BTRC: variants seen among roughly 807,000 people sequenced by gnomAD.
The protein encoded by BTRC is F-box/WD repeat-containing protein 1A.
In BTRC, 42 loss-of-function variants were observed where a neutral mutation model predicts 85.5. The observed-to-expected ratio is 0.49, with a 90% CI of 0.38 to 0.64. BTRC has a LOEUF of 0.64. BTRC is among the 30% of genes least tolerant of loss of function. BTRC has a pLI of 0.00. For synonymous variants in BTRC, 255 were observed against 263.3 expected, an observed-to-expected ratio of 0.97 and a Z score of 0.30; for missense variants, 594 against 743.5, an observed-to-expected ratio of 0.80 and a Z score of 2.34.
chr10:101,394,300 C>T (rs10509749), intron 1 of BTRC, among the ~76,000 whole-genome samples: 49,821 of 151,986 alleles, frequency 0.33, 10,704 homozygotes, highest in East Asian at 0.67. Flanking sequence ...ATCTAATTGC[C>T]GATGACTAAT....
chr10:101,405,648 A>G (rs770543881), intron 1 of BTRC, among the ~76,000 whole-genome samples: 17 of 152,146 alleles, frequency 1.1e-4, no homozygotes, highest in Middle Eastern at 3.2e-3. Flanking sequence ...GCTAGTATTT[A>G]ATTTTTTGAG....
intron 10 of BTRC, 38 bp downstream of exon 10, chr10:101,534,948 TG>T (rs1360801536): frequency 1.9e-6 from 3 of 1,593,858 alleles, no homozygotes; most frequent in Non-Finnish European, 8.6e-7. Context: ...CAACTTAGAA[TG>T]GGGGAATTCA....
intron 1 of BTRC, among the ~76,000 whole-genome samples, chr10:101,385,732 C>G (rs796736037): frequency 3.5e-4 from 51 of 147,738 alleles, no homozygotes; most frequent in African/African-American, 1.2e-3. Flanking sequence ...TCTTCCCAGA[C>G]ACACACACAC....
chr10:101,462,921 G>T (rs1364593183), intron 3 of BTRC, among the ~76,000 whole-genome samples: 1 of 151,898 alleles, frequency 6.6e-6, no homozygotes, highest in East Asian at 1.9e-4. Context: ...AGGCTGGAGT[G>T]CAGTGGCGTG....
At chr10:101,368,847 C>T (rs1034469303) in intron 1 of BTRC, among the ~76,000 whole-genome samples, 8 of 152,088 alleles carry the variant, frequency 5.3e-5, no homozygotes, top group Middle Eastern at 3.4e-3. Context: ...GGTGAAACCT[C>T]GCTTCTACTA....
In BTRC at chr10:101,354,339, C is replaced by T. The variant is rs919650117; in HGVS notation, c.48+111C>T. ...CGGGCAGCGGGACCCTGGGCCGAGG[C>T]TGGCGGCGGAGCGGCTGGAGGGATG... On this transcript the variant is annotated intron_variant, in intron 1 of 14. Transcript: ENST00000370187. 3.2e-6 allele frequency: 4 copies of T among 1,254,828 alleles called. No homozygotes were observed. The African/African-American group carries it at 4.8e-5, about 15-fold the overall frequency. The allele number at this position is 1,254,828 out of a possible 1,614,324, so 77.7% of individuals were successfully genotyped here.
chr10:101,403,339 G>T (rs144125076), intron 1 of BTRC, among the ~76,000 whole-genome samples: 2 of 152,308 alleles, frequency 1.3e-5, no homozygotes, highest in East Asian at 3.9e-4. Context: ...TTGGAACCAG[G>T]CATTGGAATA....
chr10:101,411,257 G>C (rs1191321513), intron 1 of BTRC, among the ~76,000 whole-genome samples: 1 of 151,912 alleles, frequency 6.6e-6, no homozygotes, highest in Non-Finnish European at 1.5e-5. Flanking sequence ...GCCTCCCAAA[G>C]TGCTGGGATT....
upstream of BTRC, chr10:101,354,133 C>T: frequency 6.5e-7 from 1 of 1,546,748 alleles, no homozygotes; most frequent in Non-Finnish European, 8.7e-7. Flanking sequence ...CGGCCTGGCA[C>T]CAAAGGGGCG....
chr10:101,406,902 C>T (rs1374985233), intron 1 of BTRC, among the ~76,000 whole-genome samples: 1 of 152,138 alleles, frequency 6.6e-6, no homozygotes, highest in African/African-American at 2.4e-5. Context: ...TATTGGTATA[C>T]ATTAATAGAT....
intron 13 of BTRC, among the ~76,000 whole-genome samples, chr10:101,546,354 T>G (rs2134462677): frequency 6.6e-6 from 1 of 152,314 alleles, no homozygotes; most frequent in South Asian, 2.1e-4. Flanking sequence ...ACAACACACC[T>G]CTAAATAACA....
Position 101,472,548 on chromosome 10 carries a change from T to C in BTRC, c.235-6820T>C, listed in dbSNP as rs572109409. Among the ~76,000 whole-genome samples, 605 of 152,152 alleles carry C rather than the reference T, an allele frequency of 4.0e-3. 9 individuals carry two copies. The highest frequency in any genetic ancestry group is 0.014 in the African/African-American group (576 of 41,538). On this transcript the variant is annotated intron_variant, in intron 3 of 14. Transcript: ENST00000370187. ...ATTGTTCCCAGCTGGGCGTGGTGGC[T>C]CATGCCTATAATCCCAGCACTTTGG...
chr10:101,552,362 T>TTC (rs1564843175), intron 14 of BTRC, among the ~76,000 whole-genome samples: 1 of 149,490 alleles, frequency 6.7e-6, no homozygotes, highest in Non-Finnish European at 1.5e-5. Flanking sequence ...TTTGTATTTT[T>TTC]TTTTTTTTTT....
intron 12 of BTRC, among the ~76,000 whole-genome samples, chr10:101,537,068 CTT>C (rs1201138554): frequency 6.6e-6 from 1 of 152,142 alleles, no homozygotes; most frequent in Non-Finnish European, 1.5e-5. Flanking sequence ...TTTTTTATCT[CTT>C]TGAGTAATTT....
chr10:101,444,227 G>A (rs572790077), intron 2 of BTRC, among the ~76,000 whole-genome samples: 17 of 152,262 alleles, frequency 1.1e-4, no homozygotes, highest in Non-Finnish European at 1.8e-4. Context: ...GTTTGTGATA[G>A]CTGTACATGT....
At chr10:101,532,750 A>ATATGTGTGTG (rs1366180028) in intron 8 of BTRC, among the ~76,000 whole-genome samples, 1 of 102,186 alleles carries the variant, frequency 9.8e-6, no homozygotes, top group East Asian at 4.4e-4. Context: ...CTGAAGCTAT[A>ATATGTGTGTG]TGTGTGTGTG....
At chr10:101,454,319 G>A (rs1945021336) in intron 2 of BTRC, among the ~76,000 whole-genome samples, 1 of 151,996 alleles carries the variant, frequency 6.6e-6, no homozygotes, top group Admixed American at 6.6e-5. Flanking sequence ...CCTGTTGTGT[G>A]GATCAAGATT....
chr10:101,530,048 G>A (rs2062256848), intron 6 of BTRC, among the ~76,000 whole-genome samples: 1 of 152,188 alleles, frequency 6.6e-6, no homozygotes, highest in African/African-American at 2.4e-5. Context: ...AGCAGGAAGT[G>A]ATTGCCATTT....
chr10:101,391,005 C>G (rs762988489), intron 1 of BTRC, among the ~76,000 whole-genome samples: 15 of 152,156 alleles, frequency 9.9e-5, no homozygotes, highest in Non-Finnish European at 2.1e-4. Context: ...AAATTTTACT[C>G]TTGATAATTA....
Sources: allele counts gnomAD v4.1 joint callset (sites outside exome capture counted in the v4.1 genomes callset), GRCh38; gene constraint gnomAD v4.1.1; transcripts MANE v1.5; gene names NCBI Gene and HGNC (gene_info 2026-07-23, HGNC 2026-07-21).